Variants in IGSF11 observed in about 807,000 individuals in gnomAD.
IGSF11 encodes the protein CXADR like 1.
A neutral mutation model predicts 41.0 loss-of-function variants in IGSF11; 22 were observed. The observed-to-expected ratio is 0.54, with a 90% CI of 0.38 to 0.77. IGSF11 has a LOEUF of 0.77. IGSF11 is among the 30% of genes least tolerant of loss of function. IGSF11 has a pLI of 0.00. For synonymous variants in IGSF11, 219 were observed against 201.3 expected, an observed-to-expected ratio of 1.09 and a Z score of -0.74; for missense variants, 444 against 530.8, an observed-to-expected ratio of 0.84 and a Z score of 1.61.
intron 1 of IGSF11, among the ~76,000 whole-genome samples, chr3:119,060,352 G>C (rs1942014069): frequency 6.6e-6 from 1 of 152,102 alleles, no homozygotes; most frequent in Non-Finnish European, 1.5e-5. Flanking sequence ...CAAGAAAAGA[G>C]TCAAAACATA....
intron 1 of IGSF11, among the ~76,000 whole-genome samples, chr3:118,993,916 G>C (rs1412838340): frequency 1.3e-5 from 2 of 152,186 alleles, no homozygotes; most frequent in Admixed American, 1.3e-4. Flanking sequence ...GAGAGTGATG[G>C]AAATGTTCTC....
chr3:119,012,812 C>G (rs1938283400), intron 1 of IGSF11: 1 of 152,254 alleles, frequency 6.6e-6, no homozygotes, highest in Non-Finnish European at 1.5e-5. Flanking sequence ...AACTGATCTC[C>G]TCCGGTCCAC....
intron 1 of IGSF11, among the ~76,000 whole-genome samples, chr3:118,999,508 A>G (rs1203165706): frequency 6.6e-6 from 1 of 152,188 alleles, no homozygotes; most frequent in Non-Finnish European, 1.5e-5. Flanking sequence ...TGGTTGAAAC[A>G]GCAACAACAA....
chr3:119,044,821 G>A (rs1559831472), intron 1 of IGSF11, among the ~76,000 whole-genome samples: 2 of 152,164 alleles, frequency 1.3e-5, no homozygotes, highest in Non-Finnish European at 2.9e-5. Context: ...ATAAACGAAG[G>A]AGAGATAAAG....
intron 1 of IGSF11, among the ~76,000 whole-genome samples, chr3:118,940,793 T>C (rs1319049176): frequency 6.6e-6 from 1 of 151,744 alleles, no homozygotes; most frequent in Non-Finnish European, 1.5e-5. Flanking sequence ...AGTCCAAAAA[T>C]TGATTCATAC....
At chr3:118,932,197 G>A (rs562474709) in intron 1 of IGSF11, among the ~76,000 whole-genome samples, 21 of 152,310 alleles carry the variant, frequency 1.4e-4, no homozygotes, top group African/African-American at 4.8e-4. Flanking sequence ...CTGGGATGAT[G>A]AAACAGTATG....
At chr3:118,968,164 G>A (rs1404847442) in intron 1 of IGSF11, among the ~76,000 whole-genome samples, 1 of 152,150 alleles carries the variant, frequency 6.6e-6, no homozygotes. Context: ...CATCCCTAAA[G>A]AGAGGCATAT....
chr3:118,955,920 A>G (rs960407756), intron 1 of IGSF11, among the ~76,000 whole-genome samples: 8 of 152,160 alleles, frequency 5.3e-5, no homozygotes, highest in African/African-American at 1.9e-4. Flanking sequence ...TTCTTCAAAC[A>G]GAAGGCTGTT....
intron 1 of IGSF11, among the ~76,000 whole-genome samples, chr3:119,096,361 CACACACATATATACATGTGTATATAT>C (rs1224407920): frequency 3.3e-5 from 5 of 151,898 alleles, no homozygotes; most frequent in African/African-American, 4.8e-5. Flanking sequence ...ATATATAATG[CACACACATATATACATGTGTATATAT>C]ACACACATAT....
intron 1 of IGSF11, among the ~76,000 whole-genome samples, chr3:119,088,689 A>G (rs1355371334): frequency 6.6e-6 from 1 of 152,198 alleles, no homozygotes; most frequent in Non-Finnish European, 1.5e-5. Flanking sequence ...AATATGATTG[A>G]TAGACTGCTA....
chr3:118,952,469 G>C (rs1016831808), intron 1 of IGSF11, among the ~76,000 whole-genome samples: 1 of 152,082 alleles, frequency 6.6e-6, no homozygotes, highest in Non-Finnish European at 1.5e-5. Flanking sequence ...TTTGTTGTCA[G>C]TTCAACATTG....
At chr3:118,961,776 G>C (rs1450158856) in intron 1 of IGSF11, among the ~76,000 whole-genome samples, 1 of 152,122 alleles carries the variant, frequency 6.6e-6, no homozygotes, top group African/African-American at 2.4e-5. Context: ...GCTTCTTGTT[G>C]TCACTATGAA....
chr3:119,054,985 A>T (rs892321534), intron 1 of IGSF11, among the ~76,000 whole-genome samples: 2 of 152,196 alleles, frequency 1.3e-5, no homozygotes, highest in Admixed American at 1.3e-4. Flanking sequence ...CAAAACTTTC[A>T]GAGGAACAAT....
chr3:119,135,141 C>G (rs2077542190), intron 1 of IGSF11, among the ~76,000 whole-genome samples: 1 of 152,182 alleles, frequency 6.6e-6, no homozygotes, highest in Admixed American at 6.5e-5. Context: ...CCGTTCAGGA[C>G]ATAGGCATGG....
At chr3:119,058,738 T>C (rs1390965171) in intron 1 of IGSF11, among the ~76,000 whole-genome samples, 1 of 151,976 alleles carries the variant, frequency 6.6e-6, no homozygotes, top group East Asian at 1.9e-4. Flanking sequence ...TGTCCAACAA[T>C]GATAGACTGG....
intron 1 of IGSF11, among the ~76,000 whole-genome samples, chr3:119,112,426 C>T (rs1438600250): frequency 1.3e-5 from 2 of 152,132 alleles, no homozygotes; most frequent in Admixed American, 1.3e-4. Flanking sequence ...TCCTGGTGTG[C>T]CGTTTCCTAA....
At chr3:119,010,121 C>T (rs1014731962) in intron 1 of IGSF11, among the ~76,000 whole-genome samples, 2 of 152,088 alleles carry the variant, frequency 1.3e-5, no homozygotes, top group Admixed American at 1.3e-4. Flanking sequence ...CCTTCTGGGG[C>T]GCTGTGAAGT....
At chr3:119,054,889 G>A (rs1451911244) in intron 1 of IGSF11, among the ~76,000 whole-genome samples, 1 of 144,650 alleles carries the variant, frequency 6.9e-6, no homozygotes, top group African/African-American at 2.5e-5. Flanking sequence ...CCTCAAGTGG[G>A]TCCCTGACAC....
intron 1 of IGSF11, among the ~76,000 whole-genome samples, chr3:119,087,128 A>G (rs2076688906): frequency 6.6e-6 from 1 of 152,190 alleles, no homozygotes. Flanking sequence ...AACAGACTTT[A>G]AAGCAATAAA....
Sources: gnomAD v4.1 joint callset for allele counts (sites outside exome capture counted in the v4.1 genomes callset) on GRCh38, gnomAD v4.1.1 for gene constraint, MANE v1.5 for transcripts, NCBI Gene and HGNC (gene_info 2026-07-23, HGNC 2026-07-21) for gene names.